The following TTC14 variants were observed in gnomAD, a reference collection of about 807,000 sequenced individuals.
The protein encoded by TTC14 is tetratricopeptide repeat domain 14.
TTC14 carries 63 observed loss-of-function variants against 79.9 expected under a neutral mutation model. The ratio of observed to expected loss-of-function variants is 0.79; its 90% CI spans 0.64 to 0.97. The LOEUF (loss-of-function observed/expected upper bound fraction) is 0.97, where lower values mean the gene tolerates loss of function less well. Among genes scored for constraint, TTC14 ranks in the 50% least tolerant of loss-of-function variants. The pLI, the probability that TTC14 is intolerant of heterozygous loss-of-function variation, is 0.00. For missense variants in TTC14, 895 were observed against 894.0 expected, an observed-to-expected ratio of 1.00 and a Z score of -0.01; for synonymous variants, 335 against 309.6, an observed-to-expected ratio of 1.08 and a Z score of -0.86.
chr3:180,617,262 C>T (rs1717280502), intron 12 of TTC14: 3 of 467,664 alleles, frequency 6.4e-6, no homozygotes, highest in Middle Eastern at 1.1e-3. Flanking sequence ...CCTGCATTGC[C>T]AGTCATATAA....
In TTC14 at chr3:180,604,212, C is replaced by T. The variant is rs780696444; in HGVS notation, c.487-13C>T. ...TTGAAATGTCTGGTGTTTTAAAATA[C>T]TTCTCATTACAGGCTCTTTGTCCCT... On this transcript the variant is annotated splice_polypyrimidine_tract_variant and intron_variant, in intron 3 of 11. Coordinates refer to ENST00000296015, the MANE Select transcript of TTC14 (RefSeq NM_133462.4). The T allele has an allele frequency of 5.0e-6, 8 of 1,607,258 alleles. No individual in the cohort carries two copies. Among genetic ancestry groups the T allele is most frequent in the South Asian group, 2.2e-5 (2 of 90,092 alleles).
rs572163198 is a variant in TTC14, at chr3:180,605,688, G to A, written c.858-78G>A. The A allele has an allele frequency of 7.7e-5, 75 of 974,168 alleles. No homozygotes were observed. In the South Asian group the frequency reaches 1.1e-3, roughly 15 times the overall value. The allele number at this position is 974,168 out of a possible 1,614,324, so 60.3% of individuals were successfully genotyped here. On this transcript the variant is annotated intron_variant, in intron 6 of 11. Transcript: ENST00000296015. ...GGGATTCATACTTTCACTGTCGAGT[G>A]CCTGTCAAGCAGAGTTAAGTATAGT...
chr3:180,603,084 A>C, intron 2 of TTC14, 40 bp from the exon 3 acceptor site: 1 of 1,610,926 alleles, frequency 6.2e-7, no homozygotes, highest in Non-Finnish European at 8.5e-7. Flanking sequence ...AACGGAACTC[A>C]AAACTATCGT....
At chr3:180,612,560 T>C (rs533124330), downstream of TTC14, among the ~76,000 whole-genome samples, 1 of 152,044 alleles carries the variant, frequency 6.6e-6, no homozygotes, top group Admixed American at 6.5e-5. Flanking sequence ...AGGCTAGAAA[T>C]TTGAGACTGG....
intron 10 of TTC14, 143 bp downstream of exon 10, chr3:180,607,908 G>C: frequency 7.0e-7 from 1 of 1,430,992 alleles, no homozygotes; most frequent in Non-Finnish European, 9.1e-7. Context: ...TCCTAATTGG[G>C]TTTGACATTG....
Position 180,610,298 on chromosome 3 carries a change from A to G in TTC14, c.2069A>G (p.His690Arg), listed in dbSNP as rs1300035356. 3.7e-6 allele frequency: 6 copies of G among 1,613,354 alleles called. No homozygotes were observed. The East Asian group carries it at 8.9e-5, about 24-fold the overall frequency. Reference protein sequence around the residue: ...KSVEKYKKYAHSGSRDFSRHE... With the variant: ...KSVEKYKKYARSGSRDFSRHE... ...GTTGAGAAATACAAAAAATACGCTCACTCTGGATCACGTGATTTCAGTAGA... is the reference window on the plus strand; with the variant it reads ...GTTGAGAAATACAAAAAATACGCTCGCTCTGGATCACGTGATTTCAGTAGA... Residue 690 changes from histidine (H) to arginine (R), a missense_variant, in exon 12 of 12, where the codon CAC becomes CGC. By Grantham distance (29) the His-to-Arg change is conservative. Coordinates refer to ENST00000296015, the MANE Select transcript of TTC14 (RefSeq NM_133462.4).
rs758883371 is a variant in TTC14 at position 180,608,819 on chromosome 3, T to C, written c.1400+9T>C. 3 of 1,493,828 alleles carry C rather than the reference T, an allele frequency of 2.0e-6. No individual in the cohort carries two copies. The highest frequency in any genetic ancestry group is 8.9e-7 in the Non-Finnish European group (1 of 1,126,692). The allele number at this position is 1,493,828 out of a possible 1,614,324, so 92.5% of individuals were successfully genotyped here. A position where few individuals can be genotyped will look rare whatever the true frequency, so the allele number is the denominator to read the frequency against. ...TTAAAAGAAGAGAAGAGGTAAACTA[T>C]AATATTCAGTATTTTTAAACTTAAG... On this transcript the variant is annotated intron_variant, in intron 11 of 11. Coordinates refer to ENST00000296015, the MANE Select transcript of TTC14 (RefSeq NM_133462.4).
Position 180,604,279 on chromosome 3 carries a change from T to G in TTC14, c.541T>G (p.Ser181Ala). 2 of 1,613,576 alleles carry G rather than the reference T, an allele frequency of 1.2e-6. No homozygotes were observed. The highest frequency in any genetic ancestry group is 2.2e-5 in the South Asian group (2 of 91,022). The change falls in exon 4 of 12, where the codon TCA becomes GCA. Residue 181 changes from serine to alanine, a missense_variant. Coordinates refer to ENST00000296015, the MANE Select transcript of TTC14 (RefSeq NM_133462.4). The part of the protein sequence containing the change: ...PSHSNHGDPL[S>A]YYQTGDIIRA... ...TCACAGTAACCATGGGGATCCTTTA[T>G]CATATTACCAAACTGGTGACATCAT...
At position 180,602,890 on chromosome 3, in the gene TTC14, G is replaced by T; in HGVS notation, c.162-1G>T. On this transcript the variant is annotated splice_acceptor_variant, in intron 1 of 11. Transcript: ENST00000296015. LOFTEE classifies it high-confidence loss of function. Reference sequence around the variant, plus strand: ...TTCATATATATTTTTTTCTTTTTAAGAAAAGAGAAGAGAGTTGACAACATC... The same window carrying T: ...TTCATATATATTTTTTTCTTTTTAATAAAAGAGAAGAGAGTTGACAACATC... The T allele has an allele frequency of 6.3e-7, 1 of 1,599,490 alleles. No individual in the cohort carries two copies. The highest frequency in any genetic ancestry group is 8.5e-7 in the Non-Finnish European group (1 of 1,176,276).
At chr3:180,608,260 T>C (rs1206245118) in intron 10 of TTC14, 2 of 987,660 alleles carry the variant, frequency 2.0e-6, no homozygotes, top group Non-Finnish European at 2.4e-6. Flanking sequence ...GGCTGTGCTA[T>C]TTTTTTAAAT....
In TTC14 at chr3:180,607,033, T is replaced by C. The variant is rs544753712; in HGVS notation, c.1172+430T>C. ...CTGTAGTTACCTAAGCCAGAGATAC[T>C]GTTCATCTTTGACTTGTCCTTTGTT... On this transcript the variant is annotated intron_variant, in intron 9 of 11. Transcript: ENST00000296015. 7.9e-5 allele frequency among the ~76,000 whole-genome samples: 12 copies of C among 152,334 alleles called. No individual in the cohort carries two copies. The East Asian group carries it at 2.3e-3, about 29-fold the overall frequency.
At position 180,602,288 on chromosome 3, in the gene TTC14, G is replaced by A; in HGVS notation, c.27G>A (p.Ser9=). The A allele has an allele frequency of 1.2e-6, 2 of 1,613,940 alleles. No individual in the cohort carries two copies. Among genetic ancestry groups the A allele is most frequent in the Non-Finnish European group, 8.5e-7 (1 of 1,180,022 alleles). The change falls in exon 1 of 12, where the codon TCG becomes TCA. Residue 9 remains serine, a synonymous_variant. Transcript: ENST00000296015. ...TGGACCGGGACCTTTTGCGGCAGTC[G>A]CTAAATTGCCACGGGTCGTCTTTGC... MDRDLLRQ[S]LNCHGSSLLS... is the part of the protein sequence containing the mutation.
chr3:180,608,639 T>G lies in TTC14; in HGVS notation c.1291-62T>G, dbSNP rs868341516. ...TCGTTGGGGGTGGTCTTTTGAATAC[T>G]GGGTTTTATATATTCTGCTATTTTT... is the stretch of plus-strand genomic sequence containing the variant. On this transcript the variant is annotated intron_variant, in intron 10 of 11. Coordinates refer to ENST00000296015, the MANE Select transcript of TTC14 (RefSeq NM_133462.4). The G allele has an allele frequency of 3.6e-5, 50 of 1,400,718 alleles. No homozygotes were observed. The Middle Eastern group carries it at 1.5e-3, about 42-fold the overall frequency. The allele number at this position is 1,400,718 out of a possible 1,614,324, so 86.8% of individuals were successfully genotyped here.
chr3:180,608,963 A>C (rs1407828623), intron 11 of TTC14, 153 bp downstream of exon 11: 1 of 1,187,974 alleles, frequency 8.4e-7, no homozygotes, highest in African/African-American at 1.6e-5. Flanking sequence ...TGTTCCATGT[A>C]TTTTCTTATT....
Position 180,610,512 on chromosome 3 carries a change from AAAAG to A in TTC14, c.2287_2290del (p.Glu763LysfsTer33). On this transcript the variant is annotated frameshift_variant, in exon 12 of 12. Coordinates refer to ENST00000296015, the MANE Select transcript of TTC14 (RefSeq NM_133462.4). LOFTEE classifies it high-confidence loss of function. ...TATTTAATCAGATAGCTGAATTTGA[AAAAG>A]AAAAAGGAAATAAGTCAAAAAATTA... 6.3e-7 allele frequency: 1 copy of A among 1,579,374 alleles called. No homozygotes were observed. The highest frequency in any genetic ancestry group is 2.0e-5 in the Admixed American group (1 of 50,334).
chr3:180,609,803 C>G lies in TTC14; in HGVS notation c.1574C>G (p.Ser525Ter). 1 of 1,613,808 alleles carries G rather than the reference C, an allele frequency of 6.2e-7. No individual in the cohort carries two copies. The highest frequency in any genetic ancestry group is 8.5e-7 in the Non-Finnish European group (1 of 1,179,886). Residue 525 changes from serine (S) to a stop codon, truncating the protein, a stop_gained, in exon 12 of 12, where the codon TCA (serine) becomes TGA (stop). Transcript: ENST00000296015. LOFTEE classifies it high-confidence loss of function. ...AGAAGGCATTCATCTAGGGCATCCTCAAATCAGATAGATCAGAATAGGAAA... is the reference window on the plus strand; with the variant it reads ...AGAAGGCATTCATCTAGGGCATCCTGAAATCAGATAGATCAGAATAGGAAA... ...SSRRHSSRAS[S>*]NQIDQNRKDE...
intron 11 of TTC14, 142 bp downstream of exon 11, chr3:180,608,952 G>A: frequency 8.3e-7 from 1 of 1,209,532 alleles, no homozygotes; most frequent in East Asian, 3.5e-5. Flanking sequence ...TAGCAAATAT[G>A]TGTTCCATGT....
intron 7 of TTC14, 156 bp downstream of exon 7, chr3:180,605,993 A>G (rs1716661910): frequency 1.2e-6 from 1 of 865,450 alleles, no homozygotes; most frequent in East Asian, 2.7e-5. Flanking sequence ...GTAGTCTTAC[A>G]TTTTACACTT....
In TTC14 at chr3:180,609,627, T is replaced by A. The variant is rs1716877912; in HGVS notation, c.1401-3T>A. The A allele has an allele frequency of 1.3e-6, 2 of 1,538,692 alleles. No individual in the cohort carries two copies. The highest frequency in any genetic ancestry group is 1.7e-6 in the Non-Finnish European group (2 of 1,149,658). ...TATATGACAAATGAACTGTTTTTTT[T>A]AGGCTAAAGAAGAAAAGAAGAAAAT... On this transcript the variant is annotated splice_region_variant and splice_polypyrimidine_tract_variant and intron_variant, in intron 11 of 11. Coordinates refer to ENST00000296015, the MANE Select transcript of TTC14 (RefSeq NM_133462.4).
Sources: gnomAD v4.1 joint callset for allele counts (sites outside exome capture counted in the v4.1 genomes callset) on GRCh38, gnomAD v4.1.1 for gene constraint, MANE v1.5 for transcripts, NCBI Gene and HGNC (gene_info 2026-07-23, HGNC 2026-07-21) for gene names.